The following PLA2G4A variants were observed in gnomAD, a reference collection of about 807,000 sequenced individuals.
The protein encoded by PLA2G4A is cytosolic phospholipase A2.
A neutral mutation model predicts 81.9 loss-of-function variants in PLA2G4A; 40 were observed. The ratio of observed to expected loss-of-function variants is 0.49; its 90% CI spans 0.38 to 0.64. The LOEUF is 0.64. PLA2G4A is among the 30% of genes least tolerant of loss of function. PLA2G4A has a pLI of 0.00. For synonymous variants in PLA2G4A, 302 were observed against 296.9 expected (o/e 1.02, Z -0.18); for missense variants, 715 against 905.1 (o/e 0.79, Z 2.69).
At chr1:186,969,274 A>AGTT (rs1274122778) in intron 15 of PLA2G4A, among the ~76,000 whole-genome samples, 37 of 19,124 alleles carry the variant, frequency 1.9e-3, no homozygotes, top group African/African-American at 4.4e-3. Context: ...TTTTATTTTT[A>AGTT]ATTATGGATG....
chr1:186,971,342 C>T (rs1342389054), intron 15 of PLA2G4A, among the ~76,000 whole-genome samples: 1 of 151,954 alleles, frequency 6.6e-6, no homozygotes, highest in Non-Finnish European at 1.5e-5. Flanking sequence ...TCCAATCACT[C>T]CTTCTGTAGT....
rs147353427 is a variant in PLA2G4A, at chr1:186,953,071, G to T, written c.1336+2343G>T. ...AGACACAGATTTTTCAGTTTATTTG[G>T]GTAAATACCATGGAGCACAATTGCT... On this transcript the variant is annotated intron_variant, in intron 13 of 17. Transcript: ENST00000367466. Among the ~76,000 whole-genome samples the T allele has an allele frequency of 7.7e-3, 1,166 of 152,090 alleles. 19 individuals carry two copies. The highest frequency in any genetic ancestry group is 0.027 in the African/African-American group (1,103 of 41,468).
chr1:186,885,528 C>G (rs1386855914), intron 3 of PLA2G4A, among the ~76,000 whole-genome samples: 1 of 152,122 alleles, frequency 6.6e-6, no homozygotes, highest in Non-Finnish European at 1.5e-5. Flanking sequence ...ATAAAAAAGT[C>G]TGGCATTCAG....
At chr1:186,928,837 A>C (rs1275491535) in intron 7 of PLA2G4A, among the ~76,000 whole-genome samples, 1 of 152,208 alleles carries the variant, frequency 6.6e-6, no homozygotes, top group Non-Finnish European at 1.5e-5. Context: ...TCCTGTAATC[A>C]TATGAAGTAT....
rs185169756 is a variant in PLA2G4A at position 186,853,261 on chromosome 1, T to A, written c.-69-1025T>A. 1.3e-3 allele frequency among the ~76,000 whole-genome samples: 194 copies of A among 151,556 alleles called. 1 individual carries two copies. Among genetic ancestry groups the A allele is most frequent in the African/African-American group, 3.6e-3 (148 of 41,450 alleles). ...AGCGTATTAGAAGATCCCATTTTTT[T>A]AAAAAAAAATTTAAATCCTCTCTTT... On this transcript the variant is annotated intron_variant, in intron 1 of 17. Transcript: ENST00000367466.
chr1:186,859,411 C>T (rs1025866256), intron 2 of PLA2G4A, among the ~76,000 whole-genome samples: 2 of 152,068 alleles, frequency 1.3e-5, no homozygotes, highest in Non-Finnish European at 2.9e-5. Context: ...ATGAATTTTA[C>T]AAGAAGAAGT....
At chr1:186,924,957 A>G (rs1655497229) in intron 7 of PLA2G4A, among the ~76,000 whole-genome samples, 1 of 151,932 alleles carries the variant, frequency 6.6e-6, no homozygotes, top group Non-Finnish European at 1.5e-5. Context: ...CTGAGGCAGG[A>G]GGATCACTTG....
At chr1:186,863,721 G>A (rs930785585) in intron 2 of PLA2G4A, among the ~76,000 whole-genome samples, 6 of 151,524 alleles carry the variant, frequency 4.0e-5, no homozygotes, top group African/African-American at 1.5e-4. Flanking sequence ...TCCACATATG[G>A]GTAGATGTTG....
At chr1:186,830,968 TTC>T (rs1491084388) in intron 1 of PLA2G4A, among the ~76,000 whole-genome samples, 2 of 99,214 alleles carry the variant, frequency 2.0e-5, no homozygotes, top group Admixed American at 1.0e-4. Flanking sequence ...CTTTCTTTCT[TTC>T]TTTCTTTCTT....
chr1:186,959,919 T>A lies in PLA2G4A; in HGVS notation c.1579+3575T>A, dbSNP rs1000844078. On this transcript the variant is annotated intron_variant, in intron 14 of 17. Transcript: ENST00000367466. ...CCATGCCAAAAAAAAGATTTTTATC[T>A]AATCTAGATATTAGGTTGGAAAAAT... Among the ~76,000 whole-genome samples, 17 of 151,830 alleles carry A rather than the reference T, an allele frequency of 1.1e-4. 1 individual carries two copies. In the East Asian group the frequency reaches 3.3e-3, roughly 29 times the overall value.
chr1:186,874,552 G>C (rs1270730224), intron 3 of PLA2G4A, among the ~76,000 whole-genome samples: 2 of 151,938 alleles, frequency 1.3e-5, no homozygotes, highest in Non-Finnish European at 2.9e-5. Flanking sequence ...CCTAATTATG[G>C]ATATATATAC....
At chr1:186,928,807 T>A (rs929410108) in intron 7 of PLA2G4A, among the ~76,000 whole-genome samples, 2 of 152,220 alleles carry the variant, frequency 1.3e-5, no homozygotes, top group African/African-American at 4.8e-5. Context: ...CGCAAGGTTT[T>A]TGGTAAATGA....
At chr1:186,967,356 G>C (rs1423008699) in intron 15 of PLA2G4A, among the ~76,000 whole-genome samples, 3 of 152,130 alleles carry the variant, frequency 2.0e-5, no homozygotes, top group Non-Finnish European at 2.9e-5. Flanking sequence ...GACCTGGCTA[G>C]GGAAGTGCTA....
intron 2 of PLA2G4A, among the ~76,000 whole-genome samples, chr1:186,868,060 G>A (rs1319252701): frequency 6.9e-6 from 1 of 144,852 alleles, no homozygotes; most frequent in Non-Finnish European, 1.5e-5. Context: ...GCTTGGTCAC[G>A]GTGTATAATT....
At chr1:186,864,863 TG>T (rs1457488654) in intron 2 of PLA2G4A, among the ~76,000 whole-genome samples, 1 of 150,830 alleles carries the variant, frequency 6.6e-6, no homozygotes, top group Non-Finnish European at 1.5e-5. Flanking sequence ...GAGGCTGAGG[TG>T]GGCAGATTGC....
intron 5 of PLA2G4A, 143 bp downstream of exon 5, chr1:186,894,354 T>C (rs1300844256): frequency 3.2e-6 from 2 of 632,598 alleles, no homozygotes; most frequent in Non-Finnish European, 5.6e-6. Flanking sequence ...TGTTTTTCTT[T>C]TTACTTTTTG....
intron 7 of PLA2G4A, among the ~76,000 whole-genome samples, chr1:186,931,527 T>C (rs1195714819): frequency 1.4e-5 from 1 of 73,424 alleles, no homozygotes; most frequent in Non-Finnish European, 4.0e-5. Flanking sequence ...CTATTATTAT[T>C]ATTATTATTA....
chr1:186,891,627 A>G (rs2102108290), intron 3 of PLA2G4A, among the ~76,000 whole-genome samples: 1 of 152,252 alleles, frequency 6.6e-6, no homozygotes, highest in East Asian at 1.9e-4. Flanking sequence ...AAATGGCGAG[A>G]TCTCATTCTT....
intron 3 of PLA2G4A, among the ~76,000 whole-genome samples, chr1:186,886,273 G>C (rs1016982370): frequency 1.3e-5 from 2 of 152,128 alleles, no homozygotes; most frequent in African/African-American, 4.8e-5. Context: ...TCCAGAAACA[G>C]ACTTACACTT....
Sources: gnomAD v4.1 joint callset for allele counts (sites outside exome capture counted in the v4.1 genomes callset) on GRCh38, gnomAD v4.1.1 for gene constraint, MANE v1.5 for transcripts, NCBI Gene and HGNC (gene_info 2026-07-23, HGNC 2026-07-21) for gene names.